GRXCR1: variants seen among roughly 807,000 people sequenced by gnomAD.
GRXCR1 encodes the protein glutaredoxin and cysteine rich domain containing 1, also known as glutaredoxin domain-containing cysteine-rich protein 1.
In GRXCR1, 27 loss-of-function variants were observed where a neutral mutation model predicts 27.3. The ratio of observed to expected loss-of-function variants is 0.99; its 90% CI spans 0.73 to 1.37. The LOEUF (loss-of-function observed/expected upper bound fraction) is 1.37. Ranked by LOEUF, GRXCR1 falls within the 40% of genes most tolerant of loss-of-function variation. The pLI is 0.00. For missense variants in GRXCR1, 379 were observed against 354.4 expected (o/e 1.07, Z -0.56); for synonymous variants, 122 against 131.1 (o/e 0.93, Z 0.47).
chr4:42,955,785 G>A (rs1198869997), intron 1 of GRXCR1, among the ~76,000 whole-genome samples: 1 of 152,066 alleles, frequency 6.6e-6, no homozygotes, highest in Non-Finnish European at 1.5e-5. Flanking sequence ...GTGATTTGGG[G>A]ACTCACTGGG....
At chr4:43,003,891 G>C (rs1168654730) in intron 2 of GRXCR1, among the ~76,000 whole-genome samples, 1 of 152,224 alleles carries the variant, frequency 6.6e-6, no homozygotes, top group African/African-American at 2.4e-5. Flanking sequence ...AACATTTTCT[G>C]GGGGAAAATA....
chr4:42,973,910 T>A (rs67235127), intron 2 of GRXCR1, among the ~76,000 whole-genome samples: 53,534 of 151,916 alleles, frequency 0.35, 9,610 homozygotes, highest in East Asian at 0.4. Context: ...TTGCTAAAAT[T>A]AAATATTACT....
At chr4:43,013,406 C>A (rs2109803671) in intron 2 of GRXCR1, among the ~76,000 whole-genome samples, 1 of 152,166 alleles carries the variant, frequency 6.6e-6, no homozygotes, top group East Asian at 1.9e-4. Context: ...TGCATGTTCT[C>A]ATTTATAAGG....
At chr4:42,986,377 G>A (rs577595420) in intron 2 of GRXCR1, among the ~76,000 whole-genome samples, 2 of 152,174 alleles carry the variant, frequency 1.3e-5, no homozygotes, top group African/African-American at 4.8e-5. Flanking sequence ...AATTAACAAG[G>A]TTGAGTGGGC....
At chr4:42,956,177 AG>A (rs1240628770) in intron 1 of GRXCR1, among the ~76,000 whole-genome samples, 1 of 152,096 alleles carries the variant, frequency 6.6e-6, no homozygotes, top group Non-Finnish European at 1.5e-5. Context: ...TAAGGCTTCC[AG>A]GCATCCCTAA....
At chr4:42,962,470 T>A (rs950678453) in intron 1 of GRXCR1, among the ~76,000 whole-genome samples, 1 of 151,950 alleles carries the variant, frequency 6.6e-6, no homozygotes, top group Non-Finnish European at 1.5e-5. Context: ...GATAAATTGA[T>A]AAGTAGAAGA....
intron 2 of GRXCR1, among the ~76,000 whole-genome samples, chr4:43,015,097 G>A (rs1193272705): frequency 6.6e-6 from 1 of 152,176 alleles, no homozygotes; most frequent in East Asian, 1.9e-4. Flanking sequence ...AAAAAATGGA[G>A]CATGTGTAAA....
chr4:42,893,447 C>T lies in GRXCR1; in HGVS notation c.181C>T (p.Gln61Ter). ...AGATGGACTAGGTGATTCCGATGGA[C>T]AGCAGAATGGCCACATAGAGTCAGA... ...GIDGLGDSDG[Q>*]QNGHIESEGD... The change falls in exon 1 of 4, where the codon CAG (glutamine) becomes TAG (stop). Residue 61 changes from glutamine to a stop codon, truncating the protein, a stop_gained. Transcript: ENST00000399770. LOFTEE classifies it high-confidence loss of function. The T allele has an allele frequency of 1.2e-6, 2 of 1,613,810 alleles. No individual in the cohort carries two copies. Among genetic ancestry groups the T allele is most frequent in the Non-Finnish European group, 1.7e-6 (2 of 1,179,824 alleles).
chr4:42,893,308 G>T lies in GRXCR1; in HGVS notation c.42G>T (p.Arg14=). 6.2e-7 allele frequency: 1 copy of T among 1,613,734 alleles called. No individual in the cohort carries two copies. Among genetic ancestry groups the T allele is most frequent in the South Asian group, 1.1e-5 (1 of 91,078 alleles). The change falls in exon 1 of 4, where the codon CGG becomes CGT. Residue 14 remains arginine (R), a synonymous_variant. Coordinates refer to ENST00000399770, the MANE Select transcript of GRXCR1 (RefSeq NM_001080476.3). ...REMKPESDRP[R]KVRFRIASSH... Reference sequence around the variant, plus strand: ...TGAAGCCAGAAAGTGACAGGCCACGGAAAGTCCGGTTTCGGATCGCGTCCT... The same window carrying T: ...TGAAGCCAGAAAGTGACAGGCCACGTAAAGTCCGGTTTCGGATCGCGTCCT...
At chr4:42,920,374 T>C (rs1242462662) in intron 1 of GRXCR1, among the ~76,000 whole-genome samples, 1 of 152,172 alleles carries the variant, frequency 6.6e-6, no homozygotes, top group East Asian at 1.9e-4. Context: ...AATGAGTGAA[T>C]TAATTTGCTA....
chr4:42,973,860 A>G (rs563717631), intron 2 of GRXCR1, among the ~76,000 whole-genome samples: 12 of 152,174 alleles, frequency 7.9e-5, no homozygotes, highest in Admixed American at 3.9e-4. Context: ...AAGCATAAAA[A>G]CTCACAGTGG....
At chr4:42,953,982 G>A (rs1377261755) in intron 1 of GRXCR1, among the ~76,000 whole-genome samples, 1 of 151,972 alleles carries the variant, frequency 6.6e-6, no homozygotes, top group Non-Finnish European at 1.5e-5. Context: ...AGGATTATCC[G>A]GTTACTAAGG....
intron 2 of GRXCR1, among the ~76,000 whole-genome samples, chr4:43,015,419 T>C (rs766878428): frequency 4.1e-4 from 63 of 152,120 alleles, no homozygotes; most frequent in Non-Finnish European, 8.5e-4. Context: ...CTGGTAGTGG[T>C]TGGATGTAGG....
chr4:42,975,451 C>A (rs1013630231), intron 2 of GRXCR1, among the ~76,000 whole-genome samples: 1 of 152,016 alleles, frequency 6.6e-6, no homozygotes, highest in Admixed American at 6.6e-5. Flanking sequence ...CTTAACAGCC[C>A]AATGATTAAT....
At chr4:42,997,923 T>C (rs1016600417) in intron 2 of GRXCR1, among the ~76,000 whole-genome samples, 7 of 152,184 alleles carry the variant, frequency 4.6e-5, no homozygotes, top group African/African-American at 7.2e-5. Flanking sequence ...AACTCTCTTT[T>C]CCATGTCAAT....
At chr4:43,007,256 T>A (rs1169540675) in intron 2 of GRXCR1, among the ~76,000 whole-genome samples, 1 of 152,176 alleles carries the variant, frequency 6.6e-6, no homozygotes, top group East Asian at 1.9e-4. Flanking sequence ...CATGTGCTGA[T>A]GCTTTAATGC....
chr4:42,906,091 A>G (rs990229368), intron 1 of GRXCR1, among the ~76,000 whole-genome samples: 3 of 152,124 alleles, frequency 2.0e-5, no homozygotes, highest in African/African-American at 7.2e-5. Flanking sequence ...TTTTAAATCC[A>G]TATTTTCTCA....
intron 1 of GRXCR1, among the ~76,000 whole-genome samples, chr4:42,928,693 T>C (rs1331482614): frequency 6.6e-6 from 1 of 151,872 alleles, no homozygotes; most frequent in African/African-American, 2.4e-5. Flanking sequence ...AGGGGAGAGA[T>C]TGGGCCACAG....
In GRXCR1 at chr4:42,905,369, T is replaced by C. The variant is rs539123281; in HGVS notation, c.384+11719T>C. Among the ~76,000 whole-genome samples the C allele has an allele frequency of 2.6e-5, 4 of 152,310 alleles. No individual in the cohort carries two copies. The East Asian group carries it at 5.8e-4, about 22-fold the overall frequency. On this transcript the variant is annotated intron_variant, in intron 1 of 3. Transcript: ENST00000399770. The stretch of plus-strand genomic sequence containing the variant: ...ACAGAATCAATCTCTTCTTTAGTAA[T>C]TGCCTGGATTGATTTTTAATACCTT...
Sources: gnomAD v4.1 joint callset for allele counts (sites outside exome capture counted in the v4.1 genomes callset) on GRCh38, gnomAD v4.1.1 for gene constraint, MANE v1.5 for transcripts, NCBI Gene and HGNC (gene_info 2026-07-23, HGNC 2026-07-21) for gene names.